The following HYDIN variants were observed in gnomAD, a reference collection of about 807,000 sequenced individuals.
HYDIN encodes the protein axonemal central pair apparatus protein HYDIN.
HYDIN carries 132 observed loss-of-function variants against 403.9 expected under a neutral mutation model. That is an observed-to-expected ratio of 0.33 (90% CI 0.28 to 0.38). HYDIN has a LOEUF of 0.38. HYDIN is among the 10% of genes least tolerant of loss of function. HYDIN has a pLI of 1.00. For missense variants in HYDIN, 2,827 were observed against 5,009.5 expected, an observed-to-expected ratio of 0.56 and a Z score of 13.15; for synonymous variants, 1,202 against 1,891.7, an observed-to-expected ratio of 0.64 and a Z score of 9.46.
At chr16:70,995,687 G>A (rs1403902898) in intron 23 of HYDIN, among the ~76,000 whole-genome samples, 1 of 152,094 alleles carries the variant, frequency 6.6e-6, no homozygotes, top group Non-Finnish European at 1.5e-5. Context: ...GGTGGATGCT[G>A]GACACCCATT....
chr16:70,808,136 C>A, intron 85 of HYDIN, 74 bp from the exon 86 acceptor site: 1 of 1,498,658 alleles, frequency 6.7e-7, no homozygotes, highest in Admixed American at 2.2e-5. Flanking sequence ...TCTACCCCAG[C>A]CCCTCCACTC....
At chr16:71,068,268 AT>A (rs2082341138) in intron 14 of HYDIN, among the ~76,000 whole-genome samples, 1 of 147,506 alleles carries the variant, frequency 6.8e-6, no homozygotes, top group Admixed American at 6.8e-5. Context: ...AGGCTTTTCT[AT>A]CTATAAATTA....
intron 15 of HYDIN, 148 bp from the exon 16 acceptor site, chr16:71,064,988 C>T (rs1032350697): frequency 9.9e-5 from 56 of 563,132 alleles, no homozygotes; most frequent in Middle Eastern, 4.7e-4. Flanking sequence ...CTTCTCTCCT[C>T]CTCTCTTCCC....
intron 18 of HYDIN, among the ~76,000 whole-genome samples, chr16:71,052,101 CTTAT>C (rs1298717751): frequency 6.6e-6 from 1 of 152,278 alleles, no homozygotes; most frequent in Non-Finnish European, 1.5e-5. Flanking sequence ...ATTTGAGCTA[CTTAT>C]TTATCATCCC....
chr16:71,165,017 G>A (rs2086156760), intron 5 of HYDIN, among the ~76,000 whole-genome samples: 2 of 151,798 alleles, frequency 1.3e-5, no homozygotes, highest in African/African-American at 2.4e-5. Flanking sequence ...CTCCACCCCC[G>A]CCACCCTGGT....
intron 5 of HYDIN, among the ~76,000 whole-genome samples, chr16:71,172,994 G>A (rs893136205): frequency 8.5e-5 from 13 of 152,184 alleles, no homozygotes; most frequent in East Asian, 3.8e-4. Context: ...GTCATTCTGC[G>A]CACTGCCCTG....
intron 75 of HYDIN, among the ~76,000 whole-genome samples, chr16:70,840,901 T>C (rs561807995): frequency 2.0e-5 from 3 of 152,198 alleles, no homozygotes; most frequent in African/African-American, 7.2e-5. Flanking sequence ...ATGTGACTCA[T>C]TGGTACATGA....
intron 4 of HYDIN, 47 bp from the exon 5 acceptor site, chr16:71,175,788 G>C: frequency 1.2e-6 from 2 of 1,601,056 alleles, no homozygotes; most frequent in Admixed American, 3.3e-5. Context: ...TGAAAAAGCA[G>C]AGTTAAACAC....
chr16:70,817,113 A>G (rs1430617952), intron 84 of HYDIN: 2 of 144,500 alleles, frequency 1.4e-5, no homozygotes, highest in South Asian at 2.1e-4. Context: ...TCTCCTATAT[A>G]TAATATTACC....
At chr16:71,161,268 G>T (rs1460261163) in intron 6 of HYDIN, among the ~76,000 whole-genome samples, 1 of 152,018 alleles carries the variant, frequency 6.6e-6, no homozygotes, top group Non-Finnish European at 1.5e-5. Flanking sequence ...CGGCTGATCT[G>T]ACAGGAGGCG....
intron 9 of HYDIN, among the ~76,000 whole-genome samples, chr16:71,125,345 T>C (rs1262532498): frequency 6.6e-6 from 1 of 152,188 alleles, no homozygotes; most frequent in Non-Finnish European, 1.5e-5. Flanking sequence ...TCATCTCAAA[T>C]TCAACATGTT....
intron 37 of HYDIN, among the ~76,000 whole-genome samples, chr16:70,962,753 C>T (rs1040947626): frequency 4.8e-5 from 7 of 146,638 alleles, no homozygotes; most frequent in African/African-American, 1.8e-4. Context: ...CAAGACATTC[C>T]CTTTGTCACA....
At chr16:70,923,066 C>T (rs1381797384) in intron 45 of HYDIN, among the ~76,000 whole-genome samples, 1 of 151,824 alleles carries the variant, frequency 6.6e-6, no homozygotes, top group East Asian at 2.0e-4. Flanking sequence ...CTATGCCTGG[C>T]CCCTTTTATA....
At position 70,842,740 on chromosome 16, in the gene HYDIN, T is replaced by A. The variant is rs555784539; in HGVS notation, c.12874-2507A>T. On this transcript the variant is annotated intron_variant, in intron 75 of 85. Transcript: ENST00000393567. ...AAATTTAATGTAATTACTGATAAGG[T>A]AAAATTTTATGTCTTTTTTCTATTT... is the stretch of plus-strand genomic sequence containing the variant. Among the ~76,000 whole-genome samples, 27 of 152,220 alleles carry A rather than the reference T, an allele frequency of 1.8e-4. No homozygotes were observed. In the South Asian group the frequency reaches 5.6e-3, roughly 32 times the overall value.
chr16:71,022,336 T>C (rs1381989200), intron 21 of HYDIN, among the ~76,000 whole-genome samples: 1 of 152,218 alleles, frequency 6.6e-6, no homozygotes, highest in Non-Finnish European at 1.5e-5. Flanking sequence ...GCAGACAGAA[T>C]GTGCTGCTGG....
chr16:71,230,535 C>G, intron 1 of HYDIN, 27 bp downstream of exon 1: 2 of 1,520,068 alleles, frequency 1.3e-6, no homozygotes, highest in Non-Finnish European at 1.8e-6. Context: ...ACACTTTGAC[C>G]CCACAATCTC....
At chr16:71,139,444 A>C (rs2085080940) in intron 7 of HYDIN, among the ~76,000 whole-genome samples, 1 of 152,184 alleles carries the variant, frequency 6.6e-6, no homozygotes, top group Admixed American at 6.5e-5. Flanking sequence ...GACACTAGGA[A>C]TCATCAGATA....
chr16:71,169,115 T>C (rs530930901), intron 5 of HYDIN, among the ~76,000 whole-genome samples: 25 of 152,240 alleles, frequency 1.6e-4, no homozygotes, highest in African/African-American at 6.0e-4. Context: ...CAAGTGTCCA[T>C]CAATGGATGA....
chr16:70,964,504 C>T (rs1032824159), intron 37 of HYDIN, among the ~76,000 whole-genome samples: 2 of 151,440 alleles, frequency 1.3e-5, no homozygotes, highest in Admixed American at 6.6e-5. Flanking sequence ...GTCATACTAC[C>T]CCAATTGGGC....
Sources: allele counts gnomAD v4.1 joint callset (sites outside exome capture counted in the v4.1 genomes callset), GRCh38; gene constraint gnomAD v4.1.1; transcripts MANE v1.5; gene names NCBI Gene and HGNC (gene_info 2026-07-23, HGNC 2026-07-21).